The following TAF3 variants were observed in gnomAD, a reference collection of about 807,000 sequenced individuals.
TAF3 encodes transcription initiation factor TFIID subunit 3.
Under a neutral mutation model 80.6 loss-of-function variants are expected in TAF3, and 7 were observed. That is an observed-to-expected ratio of 0.09 (90% CI 0.05 to 0.16). TAF3 has a LOEUF of 0.16. Ranked by LOEUF, TAF3 falls within the 10% of genes least tolerant of loss-of-function variation. The pLI, the probability that TAF3 is intolerant of heterozygous loss-of-function variation, is 1.00. For missense variants in TAF3, 921 were observed against 1,140.2 expected (o/e 0.81, Z 2.77); for synonymous variants, 444 against 446.1 (o/e 1.00, Z 0.06).
chr10:7,950,752 C>G (rs2131403183), intron 2 of TAF3, among the ~76,000 whole-genome samples: 1 of 152,332 alleles, frequency 6.6e-6, no homozygotes, highest in South Asian at 2.1e-4. Context: ...AGGCAGCACT[C>G]TGCCTTTGGT....
At chr10:8,013,945 G>T in intron 6 of TAF3, 108 bp downstream of exon 6, 1 of 906,840 alleles carries the variant, frequency 1.1e-6, no homozygotes, top group Middle Eastern at 2.9e-4. Context: ...ACCCAGGGCT[G>T]TCCTAGGGAC....
rs143930292 is a variant in TAF3, at chr10:7,956,799, T to C, written c.410-7121T>C. Among the ~76,000 whole-genome samples, 123 of 152,320 alleles carry C rather than the reference T, an allele frequency of 8.1e-4. No homozygotes were observed. In the East Asian group the frequency reaches 0.023, roughly 29 times the overall value. ...TACTGTGGCCATTTCTTATTTGAAG[T>C]ATAGCATTCACATTTTAGTGACTGT... On this transcript the variant is annotated intron_variant, in intron 2 of 6. Coordinates refer to ENST00000344293, the MANE Select transcript of TAF3 (RefSeq NM_031923.4).
At chr10:7,935,418 G>A (rs1156969753) in intron 2 of TAF3, among the ~76,000 whole-genome samples, 1 of 151,504 alleles carries the variant, frequency 6.6e-6, no homozygotes, top group African/African-American at 2.4e-5. Flanking sequence ...ACCCCGTCTT[G>A]ACTAAAAATA....
At chr10:7,914,932 CTTTTTTTTTT>C in intron 2 of TAF3, among the ~76,000 whole-genome samples, 1 of 84,998 alleles carries the variant, frequency 1.2e-5, no homozygotes, top group South Asian at 4.4e-4. Flanking sequence ...TGCTCCCAGC[CTTTTTTTTTT>C]TTTTTTTTTT....
chr10:7,959,777 T>G (rs1275352920), intron 2 of TAF3, among the ~76,000 whole-genome samples: 1 of 152,250 alleles, frequency 6.6e-6, no homozygotes, highest in Non-Finnish European at 1.5e-5. Flanking sequence ...AGTTCTAATC[T>G]GATAGAATTG....
At chr10:7,922,282 T>G (rs1837769644) in intron 2 of TAF3, among the ~76,000 whole-genome samples, 1 of 152,066 alleles carries the variant, frequency 6.6e-6, no homozygotes. Context: ...AGGTTTTATT[T>G]GGGTCCTAAT....
chr10:7,974,398 T>C (rs1831650935), intron 3 of TAF3, among the ~76,000 whole-genome samples: 1 of 152,224 alleles, frequency 6.6e-6, no homozygotes, highest in Admixed American at 6.5e-5. Flanking sequence ...ATAGGTTATT[T>C]AGTTGAAAAT....
intron 2 of TAF3, among the ~76,000 whole-genome samples, chr10:7,854,511 A>T (rs1837059868): frequency 6.6e-6 from 1 of 152,238 alleles, no homozygotes; most frequent in African/African-American, 2.4e-5. Flanking sequence ...TGCAGTGAGT[A>T]TAATATGGAT....
intron 2 of TAF3, among the ~76,000 whole-genome samples, chr10:7,925,814 A>AAAAAAAG (rs1564364693): frequency 3.8e-5 from 5 of 133,286 alleles, no homozygotes; most frequent in Admixed American, 7.8e-5. Context: ...AAAAAAAAAG[A>AAAAAAAG]AAAGAAAAGA....
intron 2 of TAF3, among the ~76,000 whole-genome samples, chr10:7,889,038 CTTTTTA>C (rs2131161527): frequency 1.3e-5 from 2 of 152,272 alleles, no homozygotes; most frequent in African/African-American, 4.8e-5. Flanking sequence ...ATTGGAGCTG[CTTTTTA>C]TTAACATCTC....
intron 2 of TAF3, among the ~76,000 whole-genome samples, chr10:7,934,297 A>G (rs1363376118): frequency 6.6e-6 from 1 of 152,232 alleles, no homozygotes; most frequent in Admixed American, 6.5e-5. Context: ...GTCAGAATTT[A>G]ATTGGCAGGA....
At chr10:7,863,648 C>CACACACACACATATATAT (rs1564350835) in intron 2 of TAF3, among the ~76,000 whole-genome samples, 9 of 56,156 alleles carry the variant, frequency 1.6e-4, no homozygotes, top group African/African-American at 5.2e-4. Flanking sequence ...TATATATATA[C>CACACACACACATATATAT]ACACACACAT....
chr10:7,948,105 C>T (rs904442956), intron 2 of TAF3, among the ~76,000 whole-genome samples: 16 of 151,484 alleles, frequency 1.1e-4, no homozygotes, highest in Admixed American at 6.6e-4. Context: ...CTCTGTTGCC[C>T]CGGCTGGAAC....
chr10:7,978,642 A>T (rs1423504422), intron 4 of TAF3, among the ~76,000 whole-genome samples: 1 of 152,216 alleles, frequency 6.6e-6, no homozygotes, highest in African/African-American at 2.4e-5. Flanking sequence ...GAATGTCCTC[A>T]TCCCTTAACC....
intron 2 of TAF3, among the ~76,000 whole-genome samples, chr10:7,863,266 A>G (rs1308525827): frequency 3.3e-5 from 5 of 151,794 alleles, no homozygotes; most frequent in Non-Finnish European, 4.4e-5. Context: ...CATGGAACCC[A>G]TAGACCAATT....
In TAF3 at chr10:7,890,639, C is replaced by T. The variant is rs563485488; in HGVS notation, c.409+66079C>T. On this transcript the variant is annotated intron_variant, in intron 2 of 6. Transcript: ENST00000344293. ...AACCTTGCTTTTCTTGCATAAAACACATTCTAGCATATCATCTATGATCTC... is the reference window on the plus strand; with the variant it reads ...AACCTTGCTTTTCTTGCATAAAACATATTCTAGCATATCATCTATGATCTC... 2.6e-5 allele frequency among the ~76,000 whole-genome samples: 4 copies of T among 152,338 alleles called. No homozygotes were observed. In the South Asian group the frequency reaches 6.2e-4, roughly 24 times the overall value.
At chr10:7,942,737 G>T (rs2131397628) in intron 2 of TAF3, among the ~76,000 whole-genome samples, 1 of 152,220 alleles carries the variant, frequency 6.6e-6, no homozygotes. Context: ...GGCAGCCGAG[G>T]CGTGTGGGCA....
At chr10:7,898,415 G>A (rs773492531) in intron 2 of TAF3, among the ~76,000 whole-genome samples, 11 of 151,990 alleles carry the variant, frequency 7.2e-5, no homozygotes, top group East Asian at 1.9e-4. Flanking sequence ...GCATGATGGC[G>A]GGTGCCTGTA....
chr10:7,897,830 T>C lies in TAF3; in HGVS notation c.410-66090T>C, dbSNP rs564903150. 1.9e-3 allele frequency among the ~76,000 whole-genome samples: 285 copies of C among 152,194 alleles called. 1 individual carries two copies. Among genetic ancestry groups the C allele is most frequent in the Admixed American group, 5.1e-3 (78 of 15,300 alleles). Reference sequence around the variant, plus strand: ...GTGTGCCACCATGCCCGGCTAACTTTTTGATTTATTTGTAGAGACAGGGTC... The same window carrying C: ...GTGTGCCACCATGCCCGGCTAACTTCTTGATTTATTTGTAGAGACAGGGTC... On this transcript the variant is annotated intron_variant, in intron 2 of 6. Coordinates refer to ENST00000344293, the MANE Select transcript of TAF3 (RefSeq NM_031923.4).
Sources: allele counts gnomAD v4.1 joint callset (sites outside exome capture counted in the v4.1 genomes callset), GRCh38; gene constraint gnomAD v4.1.1; transcripts MANE v1.5; gene names NCBI Gene and HGNC (gene_info 2026-07-23, HGNC 2026-07-21).